RIN3: variants seen among roughly 807,000 people sequenced by gnomAD.
The protein encoded by RIN3 is Ras and Rab interactor 3, also known as RAB5 interacting protein 3.
RIN3 carries 54 observed loss-of-function variants against 76.3 expected under a neutral mutation model. The ratio of observed to expected loss-of-function variants is 0.71; its 90% CI spans 0.57 to 0.89. RIN3 has a LOEUF of 0.89. Among genes scored for constraint, RIN3 ranks in the 40% least tolerant of loss-of-function variants. RIN3 has a pLI of 0.00. For missense variants in RIN3, 1,256 were observed against 1,322.1 expected (o/e 0.95, Z 0.78); for synonymous variants, 576 against 564.0 (o/e 1.02, Z -0.30).
chr14:92,595,427 T>C lies in RIN3; in HGVS notation c.367+17950T>C, dbSNP rs189194887. Among the ~76,000 whole-genome samples, 16 of 152,348 alleles carry C rather than the reference T, an allele frequency of 1.1e-4. No individual in the cohort carries two copies. The East Asian group carries it at 2.1e-3, about 20-fold the overall frequency. On this transcript the variant is annotated intron_variant, in intron 3 of 9. Coordinates refer to ENST00000216487, the MANE Select transcript of RIN3 (RefSeq NM_024832.5). ...CTTGCCCTGGGCAGATCACATCATA[T>C]AGAGGACTTCTAAAGAGATGTTTCT...
intron 3 of RIN3, chr14:92,586,367 C>A (rs1479883803): frequency 1.3e-5 from 2 of 152,194 alleles, no homozygotes; most frequent in African/African-American, 2.4e-5. Flanking sequence ...GATGTTGATT[C>A]GTTCTTCTTA....
At chr14:92,580,949 G>A (rs1471372237) in intron 3 of RIN3, among the ~76,000 whole-genome samples, 1 of 152,264 alleles carries the variant, frequency 6.6e-6, no homozygotes, top group Non-Finnish European at 1.5e-5. Flanking sequence ...TGGGTAGTAA[G>A]GATAGCGAGT....
chr14:92,596,773 A>G (rs1426659524), intron 3 of RIN3, among the ~76,000 whole-genome samples: 1 of 152,220 alleles, frequency 6.6e-6, no homozygotes, highest in Non-Finnish European at 1.5e-5. Flanking sequence ...TTCAGCAAGG[A>G]CAGCCATGGT....
At chr14:92,544,376 C>T (rs1897198258) in intron 1 of RIN3, among the ~76,000 whole-genome samples, 2 of 131,630 alleles carry the variant, frequency 1.5e-5, no homozygotes, top group East Asian at 4.5e-4. Context: ...TCTCCAATGA[C>T]CTTCTCTGGC....
At chr14:92,556,817 G>C (rs747393147) in intron 2 of RIN3, among the ~76,000 whole-genome samples, 2 of 152,128 alleles carry the variant, frequency 1.3e-5, no homozygotes, top group Non-Finnish European at 2.9e-5. Context: ...AAAAAGTAAA[G>C]ATCTTTTCCA....
Position 92,685,345 on chromosome 14 carries a change from C to A in RIN3, c.2631+195C>A. The A allele has an allele frequency of 1.7e-6, 1 of 592,372 alleles. No homozygotes were observed. The highest frequency in any genetic ancestry group is 3.0e-6 in the Non-Finnish European group (1 of 336,060). 36.7% of individuals were successfully genotyped at this position (592,372 alleles called of 1,614,324 possible). On this transcript the variant is annotated intron_variant, in intron 9 of 9. Coordinates refer to ENST00000216487, the MANE Select transcript of RIN3 (RefSeq NM_024832.5). The surrounding 1 kb of genome is among the most constrained non-coding windows in gnomAD (Gnocchi z 4.7). ...CCAGTGTGTGTCCAGGACTTGGGTG[C>A]GTCTAGAAACATATCAGCAGGCATT...
chr14:92,533,288 TG>T (rs1233929503), intron 1 of RIN3, among the ~76,000 whole-genome samples: 1 of 152,222 alleles, frequency 6.6e-6, no homozygotes, highest in Non-Finnish European at 1.5e-5. Context: ...ACAACCATTA[TG>T]GAAAACAGTG....
At chr14:92,596,980 T>G (rs1885169903) in intron 3 of RIN3, among the ~76,000 whole-genome samples, 1 of 152,202 alleles carries the variant, frequency 6.6e-6, no homozygotes, top group Non-Finnish European at 1.5e-5. Context: ...AATCAGGGTT[T>G]GTTTGTTTTT....
At chr14:92,662,397 T>C (rs1250608355) in intron 7 of RIN3, among the ~76,000 whole-genome samples, 1 of 152,348 alleles carries the variant, frequency 6.6e-6, no homozygotes, top group African/African-American at 2.4e-5. Context: ...GGGGGGATCA[T>C]GGAAGAGCAA....
At chr14:92,611,404 G>T (rs1353180352) in intron 3 of RIN3, among the ~76,000 whole-genome samples, 3 of 152,122 alleles carry the variant, frequency 2.0e-5, no homozygotes, top group African/African-American at 7.2e-5. Context: ...GCCCCCCGAG[G>T]CACCTGCTAC....
intron 1 of RIN3, among the ~76,000 whole-genome samples, chr14:92,526,274 G>A (rs1896728036): frequency 1.3e-5 from 2 of 152,092 alleles, no homozygotes; most frequent in Non-Finnish European, 2.9e-5. Context: ...TGGGCAACAT[G>A]GCGAAACCCC....
chr14:92,614,786 C>A (rs997659440), intron 3 of RIN3, among the ~76,000 whole-genome samples: 2 of 133,502 alleles, frequency 1.5e-5, no homozygotes, highest in Admixed American at 1.5e-4. Flanking sequence ...AACTGTGAGT[C>A]CATTAAACCT....
intron 6 of RIN3, among the ~76,000 whole-genome samples, chr14:92,653,703 C>A (rs998127808): frequency 1.3e-5 from 2 of 152,176 alleles, no homozygotes; most frequent in Non-Finnish European, 2.9e-5. Flanking sequence ...TACTTGTGAA[C>A]AACCACACGC....
At chr14:92,609,082 C>G (rs1305972372) in intron 3 of RIN3, among the ~76,000 whole-genome samples, 1 of 152,138 alleles carries the variant, frequency 6.6e-6, no homozygotes, top group Non-Finnish European at 1.5e-5. Flanking sequence ...TTCTATCACT[C>G]TTATGCCTTT....
At chr14:92,529,163 A>G (rs1896821802) in intron 1 of RIN3, among the ~76,000 whole-genome samples, 1 of 152,188 alleles carries the variant, frequency 6.6e-6, no homozygotes, top group Non-Finnish European at 1.5e-5. Context: ...GGATACTTAC[A>G]GTCAATTCTC....
At chr14:92,687,762 C>T (rs1411035879) in intron 9 of RIN3, 164 bp from the exon 10 acceptor site, 1 of 598,582 alleles carries the variant, frequency 1.7e-6, no homozygotes, top group Non-Finnish European at 2.7e-6. Flanking sequence ...GGGGGACGGG[C>T]CCCCCGCAGG....
chr14:92,616,907 T>A (rs1462489516), intron 4 of RIN3, among the ~76,000 whole-genome samples: 1 of 152,208 alleles, frequency 6.6e-6, no homozygotes, highest in African/African-American at 2.4e-5. Context: ...CCTATGTGTT[T>A]CCTTAAAGTC....
chr14:92,657,374 G>GA (rs56043062), intron 6 of RIN3, among the ~76,000 whole-genome samples: 139,942 of 147,762 alleles, frequency 0.95, 66,678 homozygotes, highest in East Asian at 1. Context: ...AAACAAAAAA[G>GA]AAAAAAAAAA....
At chr14:92,574,339 C>T (rs1011695270) in intron 2 of RIN3, among the ~76,000 whole-genome samples, 10 of 152,202 alleles carry the variant, frequency 6.6e-5, no homozygotes, top group African/African-American at 2.2e-4. Context: ...GCAGCCCCAC[C>T]CTAATCTTTT....
Sources: gnomAD v4.1 joint callset for allele counts (sites outside exome capture counted in the v4.1 genomes callset) on GRCh38, gnomAD v4.1.1 for gene constraint, Gnocchi (gnomAD v3.1) non-coding constraint, MANE v1.5 for transcripts, NCBI Gene and HGNC (gene_info 2026-07-23, HGNC 2026-07-21) for gene names.